The following ERBB4 variants were observed in gnomAD, a reference collection of about 807,000 sequenced individuals.
ERBB4 encodes erb-b2 receptor tyrosine kinase 4, also known as receptor tyrosine-protein kinase erbB-4.
Under a neutral mutation model 158.0 loss-of-function variants are expected in ERBB4, and 42 were observed. That is an observed-to-expected ratio of 0.27 (90% CI 0.21 to 0.34). The LOEUF is 0.34. ERBB4 is among the 10% of genes least tolerant of loss of function. The pLI is 1.00. For missense variants in ERBB4, 1,333 were observed against 1,624.1 expected, an observed-to-expected ratio of 0.82 and a Z score of 3.08; for synonymous variants, 583 against 558.7, an observed-to-expected ratio of 1.04 and a Z score of -0.61.
chr2:211,615,307 T>C (rs560872564), intron 19 of ERBB4, among the ~76,000 whole-genome samples: 6 of 152,002 alleles, frequency 3.9e-5, no homozygotes, highest in Non-Finnish European at 5.9e-5. Context: ...TTCTTATGTA[T>C]GTGTTCTGCA....
At chr2:211,977,402 A>C (rs1194960716) in intron 2 of ERBB4, among the ~76,000 whole-genome samples, 1 of 151,920 alleles carries the variant, frequency 6.6e-6, no homozygotes, top group Non-Finnish European at 1.5e-5. Context: ...CCTTTGCTAA[A>C]ACAAATCTAT....
At chr2:211,817,874 A>G (rs1559544889) in intron 3 of ERBB4, among the ~76,000 whole-genome samples, 1 of 152,174 alleles carries the variant, frequency 6.6e-6, no homozygotes, top group African/African-American at 2.4e-5. Context: ...CACAAGATGG[A>G]AAGAATTTGG....
At chr2:211,822,402 A>T (rs2077015164) in intron 3 of ERBB4, among the ~76,000 whole-genome samples, 1 of 152,076 alleles carries the variant, frequency 6.6e-6, no homozygotes, top group South Asian at 2.1e-4. Context: ...TACCCCATAA[A>T]AATGTATAGA....
At position 211,376,881 on chromosome 2, in the gene ERBB4, A is replaced by G; in HGVS notation, c.*6734T>C. 4.3e-6 allele frequency: 1 copy of G among 233,272 alleles called. No homozygotes were observed. The highest frequency in any genetic ancestry group is 8.5e-6 in the Non-Finnish European group (1 of 117,742). 14.5% of individuals were successfully genotyped at this position (233,272 alleles called of 1,614,324 possible). On this transcript the variant is annotated 3_prime_UTR_variant, in exon 28 of 28. Coordinates refer to ENST00000342788, the MANE Select transcript of ERBB4 (RefSeq NM_005235.3). ...CAATCCCTGGTGCTCTCAACATGAG[A>G]AGGAGACACACCAGCCAGGGAGACA...
chr2:211,403,269 A>G (rs1241995367), intron 25 of ERBB4, among the ~76,000 whole-genome samples: 5 of 152,086 alleles, frequency 3.3e-5, no homozygotes, highest in Non-Finnish European at 7.4e-5. Flanking sequence ...CATCTAATGG[A>G]GAATGTCTAT....
chr2:212,025,693 C>T (rs1169921143), intron 2 of ERBB4, among the ~76,000 whole-genome samples: 1 of 151,462 alleles, frequency 6.6e-6, no homozygotes, highest in African/African-American at 2.4e-5. Context: ...TGAGAGCTTC[C>T]CTGAGAAAAA....
At chr2:212,265,719 G>A (rs2085110725) in intron 1 of ERBB4, among the ~76,000 whole-genome samples, 1 of 152,022 alleles carries the variant, frequency 6.6e-6, no homozygotes, top group African/African-American at 2.4e-5. Flanking sequence ...TATACTCCAT[G>A]ATACAATAAA....
intron 3 of ERBB4, among the ~76,000 whole-genome samples, chr2:211,791,620 G>C (rs867295980): frequency 6.6e-6 from 1 of 151,822 alleles, no homozygotes; most frequent in South Asian, 2.1e-4. Context: ...GACACAGATA[G>C]ATTCTTGGTC....
At chr2:212,170,908 AC>A (rs2081496438) in intron 1 of ERBB4, among the ~76,000 whole-genome samples, 1 of 151,844 alleles carries the variant, frequency 6.6e-6, no homozygotes, top group Admixed American at 6.6e-5. Flanking sequence ...GTGAAATTGG[AC>A]CCCCTCACAG....
At chr2:212,010,459 G>A (rs1215173086) in intron 2 of ERBB4, among the ~76,000 whole-genome samples, 1 of 152,108 alleles carries the variant, frequency 6.6e-6, no homozygotes, top group African/African-American at 2.4e-5. Flanking sequence ...TATAATAACA[G>A]AGAGTAAGTA....
intron 1 of ERBB4, among the ~76,000 whole-genome samples, chr2:212,332,368 T>G (rs2106297405): frequency 6.6e-6 from 1 of 152,182 alleles, no homozygotes; most frequent in East Asian, 1.9e-4. Context: ...CTTCTTTCTT[T>G]TGTAACTTGT....
chr2:211,581,709 T>C (rs1252563062), intron 19 of ERBB4, among the ~76,000 whole-genome samples: 1 of 152,142 alleles, frequency 6.6e-6, no homozygotes, highest in Non-Finnish European at 1.5e-5. Flanking sequence ...CTCATTTTTT[T>C]CCCACCAAAT....
chr2:211,405,531 C>T (rs963867180), intron 25 of ERBB4, among the ~76,000 whole-genome samples: 8 of 152,146 alleles, frequency 5.3e-5, no homozygotes, highest in Admixed American at 6.6e-5. Flanking sequence ...CTGGCTCACT[C>T]GTCTCTAATA....
chr2:212,361,798 A>G (rs2089696565), intron 1 of ERBB4, among the ~76,000 whole-genome samples: 1 of 151,668 alleles, frequency 6.6e-6, no homozygotes, highest in East Asian at 1.9e-4. Flanking sequence ...CTATTCGACA[A>G]TGTCTGGCAT....
At chr2:211,701,700 G>T (rs2073251690) in intron 12 of ERBB4, among the ~76,000 whole-genome samples, 2 of 140,878 alleles carry the variant, frequency 1.4e-5, no homozygotes, top group Admixed American at 7.7e-5. Flanking sequence ...AGCTTGCAGT[G>T]AGCCGAGATC....
chr2:211,514,874 GT>G (rs2065982939), intron 20 of ERBB4, among the ~76,000 whole-genome samples: 1 of 152,090 alleles, frequency 6.6e-6, no homozygotes, highest in South Asian at 2.1e-4. Context: ...TGCTCAAAAA[GT>G]TTCAAGTTTT....
intron 3 of ERBB4, among the ~76,000 whole-genome samples, chr2:211,793,212 T>C (rs2076314143): frequency 6.6e-6 from 1 of 151,878 alleles, no homozygotes; most frequent in South Asian, 2.1e-4. Flanking sequence ...TTCACTTTAG[T>C]CTATATGATC....
intron 1 of ERBB4, among the ~76,000 whole-genome samples, chr2:212,441,461 G>A (rs2092253003): frequency 1.3e-5 from 2 of 152,166 alleles, no homozygotes; most frequent in Non-Finnish European, 2.9e-5. Flanking sequence ...CTAAGTTCTG[G>A]TAGGTCCCTA....
At chr2:211,573,018 T>C (rs1027959310) in intron 19 of ERBB4, among the ~76,000 whole-genome samples, 1 of 152,200 alleles carries the variant, frequency 6.6e-6, no homozygotes, top group African/African-American at 2.4e-5. Flanking sequence ...AGGTGAATAC[T>C]ACCTTATTTG....
Sources: allele counts gnomAD v4.1 joint callset (sites outside exome capture counted in the v4.1 genomes callset), GRCh38; gene constraint gnomAD v4.1.1; transcripts MANE v1.5; gene names NCBI Gene and HGNC (gene_info 2026-07-23, HGNC 2026-07-21).